USP35: variants seen among roughly 807,000 people sequenced by gnomAD.
USP35 encodes the protein ubiquitin carboxyl-terminal hydrolase 35.
Under a neutral mutation model 83.8 loss-of-function variants are expected in USP35, and 69 were observed. That is an observed-to-expected ratio of 0.82 (90% CI 0.68 to 1.01). The LOEUF is 1.01. Among genes scored for constraint, USP35 ranks in the 50% least tolerant of loss-of-function variants. USP35 has a pLI of 0.00. For missense variants in USP35, 1,503 were observed against 1,362.5 expected, an observed-to-expected ratio of 1.10 and a Z score of -1.62; for synonymous variants, 714 against 589.5, an observed-to-expected ratio of 1.21 and a Z score of -3.06.
rs899949284 is a variant in USP35 at position 78,196,973 on chromosome 11, T to C, written c.673+55T>C. The stretch of plus-strand genomic sequence containing the variant: ...GCATGCGGAGGTCCTGGGTGGGCGC[T>C]TGGGTAGGTGGCTGTACGTGTGGAT... On this transcript the variant is annotated intron_variant, in intron 2 of 10. Transcript: ENST00000529308. This position sits in a 1 kb window ranked among gnomAD's most constrained non-coding sequence, Gnocchi z 4.8. The C allele has an allele frequency of 1.8e-5, 25 of 1,419,302 alleles. No homozygotes were observed. The highest frequency in any genetic ancestry group is 2.1e-5 in the Non-Finnish European group (23 of 1,091,438). 87.9% of individuals were successfully genotyped at this position (1,419,302 alleles called of 1,614,324 possible). A position where few individuals can be genotyped will look rare whatever the true frequency, so the allele number is the denominator to read the frequency against.
Position 78,196,957 on chromosome 11 carries a change from G to A in USP35, c.673+39G>A, listed in dbSNP as rs1390882807. 1.4e-6 allele frequency: 2 copies of A among 1,428,094 alleles called. No individual in the cohort carries two copies. The highest frequency in any genetic ancestry group is 1.8e-6 in the Non-Finnish European group (2 of 1,095,812). The allele number at this position is 1,428,094 out of a possible 1,614,324, so 88.5% of individuals were successfully genotyped here. A position where few individuals can be genotyped will look rare whatever the true frequency, so the allele number is the denominator to read the frequency against. On this transcript the variant is annotated intron_variant, in intron 2 of 10. Coordinates refer to ENST00000529308, the MANE Select transcript of USP35 (RefSeq NM_020798.4). The surrounding 1 kb of genome is among the most constrained non-coding windows in gnomAD (Gnocchi z 4.8). ...CGGGGCAGGAGCGCGGGCATGCGGA[G>A]GTCCTGGGTGGGCGCTTGGGTAGGT...
Position 78,205,861 on chromosome 11 carries a change from A to T in USP35, c.1217A>T (p.Glu406Val), listed in dbSNP as rs1863513284. ...EAIKDLHVPN[E>V]DRIKQLLGQD... ...CCTCAGGACCTCCATGTTCCCAATG[A>T]GGACCGCATCAAGCAGCTGCTGGGG... The change falls in exon 7 of 11, where the codon GAG becomes GTG. Residue 406 changes from glutamate to valine, a missense_variant. By Grantham distance (121) the Glu-to-Val change is moderately radical. Coordinates refer to ENST00000529308, the MANE Select transcript of USP35 (RefSeq NM_020798.4). 1 of 1,613,610 alleles carries T rather than the reference A, an allele frequency of 6.2e-7. No individual in the cohort carries two copies. The highest frequency in any genetic ancestry group is 8.5e-7 in the Non-Finnish European group (1 of 1,179,694).
At chr11:78,236,042 G>T in the USP35 span, among the ~76,000 whole-genome samples, 1 of 152,118 alleles carries the variant, frequency 6.6e-6, no homozygotes, top group Non-Finnish European at 1.5e-5. Flanking sequence ...GAGAAAAACT[G>T]CCATCTAAAT....
the USP35 span, among the ~76,000 whole-genome samples, chr11:78,233,250 G>A: frequency 6.6e-6 from 1 of 152,112 alleles, no homozygotes; most frequent in African/African-American, 2.4e-5. Flanking sequence ...GCCCGGGCTG[G>A]TCTCAAACTT....
At chr11:78,192,056 G>A (rs911443300) in intron 1 of USP35, among the ~76,000 whole-genome samples, 5 of 152,116 alleles carry the variant, frequency 3.3e-5, no homozygotes, top group Non-Finnish European at 7.3e-5. Flanking sequence ...TGTTAATGAG[G>A]ACCTCATCTT....
intron 1 of USP35, among the ~76,000 whole-genome samples, chr11:78,192,290 C>T (rs1863028846): frequency 6.6e-6 from 1 of 152,220 alleles, no homozygotes. Context: ...TCAGAGCCAG[C>T]ATGGACAGGC....
the USP35 span, among the ~76,000 whole-genome samples, chr11:78,227,308 G>A: frequency 1.3e-5 from 2 of 152,302 alleles, no homozygotes; most frequent in East Asian, 3.9e-4. Context: ...CAATAAGCCA[G>A]ATGGATTGCC....
At chr11:78,226,873 C>G in the USP35 span, 2 of 1,614,072 alleles carry the variant, frequency 1.2e-6, no homozygotes, top group Non-Finnish European at 1.7e-6. Context: ...CGGGGGAGGT[C>G]GTAGGTACTG....
intron 3 of USP35, chr11:78,198,510 C>T (rs553356536): frequency 7.9e-6 from 5 of 632,696 alleles, no homozygotes; most frequent in African/African-American, 2.0e-5. Flanking sequence ...ATCTGAACGT[C>T]CTCCTCCCTG....
At chr11:78,231,162 A>G in the USP35 span, among the ~76,000 whole-genome samples, 541 of 152,292 alleles carry the variant, frequency 3.6e-3, 3 homozygotes, top group African/African-American at 0.012. Context: ...ATACTCAAAC[A>G]CAAGCACGTA....
downstream of USP35, chr11:78,217,465 A>G (rs1030762461): frequency 6.6e-6 from 1 of 152,286 alleles, no homozygotes; most frequent in Admixed American, 6.5e-5. Flanking sequence ...TGAACTATGC[A>G]TGCTCATGGG....
the USP35 span, chr11:78,223,501 G>A: frequency 1.9e-6 from 3 of 1,611,318 alleles, no homozygotes; most frequent in Middle Eastern, 1.6e-4. Context: ...AAGGGTTGTT[G>A]ATGGGTAGCC....
rs139093034 is a variant in USP35, at chr11:78,208,557, C to T, written c.1486-300C>T. Among the ~76,000 whole-genome samples the T allele has an allele frequency of 4.1e-4, 63 of 152,210 alleles. No individual in the cohort carries two copies. In the South Asian group the frequency reaches 7.3e-3, roughly 18 times the overall value. Reference sequence around the variant, plus strand: ...GCGCTGTATCTGGGACTCATCTTGACGGGAGAGAATGGCAGTGAGTGGAGG... The same window carrying T: ...GCGCTGTATCTGGGACTCATCTTGATGGGAGAGAATGGCAGTGAGTGGAGG... On this transcript the variant is annotated intron_variant, in intron 8 of 10. Transcript: ENST00000529308.
chr11:78,213,835 AC>A lies in USP35; in HGVS notation c.*26del. On this transcript the variant is annotated 3_prime_UTR_variant, in exon 11 of 11. Transcript: ENST00000529308. Reference sequence around the variant, plus strand: ...CTAATGTGAACCTGCTGCCAACCTGACCCCTTCCCTCCAGGAGCCAGGTAGG... The same window carrying A: ...CTAATGTGAACCTGCTGCCAACCTGACCCTTCCCTCCAGGAGCCAGGTAGG... 6.5e-7 allele frequency: 1 copy of A among 1,535,070 alleles called. No individual in the cohort carries two copies. The highest frequency in any genetic ancestry group is 2.6e-5 in the East Asian group (1 of 38,632).
At chr11:78,202,793 A>T (rs1053081058) in intron 6 of USP35, among the ~76,000 whole-genome samples, 3 of 152,186 alleles carry the variant, frequency 2.0e-5, no homozygotes, top group Admixed American at 6.5e-5. Context: ...GTGTTGCCCA[A>T]GGGTTTCTAC....
At chr11:78,202,512 A>G (rs1345141319) in intron 6 of USP35, among the ~76,000 whole-genome samples, 1 of 152,202 alleles carries the variant, frequency 6.6e-6, no homozygotes, top group African/African-American at 2.4e-5. Flanking sequence ...AGAAAGACAT[A>G]AATCAGGCCA....
At chr11:78,230,673 G>C in the USP35 span, among the ~76,000 whole-genome samples, 7 of 152,242 alleles carry the variant, frequency 4.6e-5, no homozygotes, top group East Asian at 1.3e-3. Flanking sequence ...CACATGTTGA[G>C]GGAGACTGAT....
chr11:78,209,454 C>T lies in USP35; in HGVS notation c.1599C>T (p.His533=), dbSNP rs112274930. 65,687 of 1,600,626 alleles carry T rather than the reference C, an allele frequency of 0.041. 1,639 individuals are homozygous for T. The highest frequency in any genetic ancestry group is 0.05 in the Non-Finnish European group (58,560 of 1,172,240). The change falls in exon 10 of 11, where the codon CAC becomes CAT. Residue 533 remains histidine (H), a synonymous_variant. Transcript: ENST00000529308. ...TCTGTGCTCTCTGCCCCAGGCTGCA[C>T]GAAGAGGAGAAAACGGGCACAAGGA... ...EYLKYLLDRL[H]EEEKTGTRIC... is the part of the protein sequence containing the mutation.
At position 78,213,983 on chromosome 11, in the gene USP35, AAGTCCCTTTCATTGGGGATC is replaced by A. The variant is rs1471513289; in HGVS notation, c.*177_*196del. 2 of 704,580 alleles carry A rather than the reference AAGTCCCTTTCATTGGGGATC, an allele frequency of 2.8e-6. No homozygotes were observed. Among genetic ancestry groups the A allele is most frequent in the Non-Finnish European group, 4.2e-6 (2 of 476,898 alleles). The allele number at this position is 704,580 out of a possible 1,614,324, so 43.6% of individuals were successfully genotyped here. ...TCTCTCAGATATGGAAGTAAGACCT[AAGTCCCTTTCATTGGGGATC>A]AGTCCCATTAAAACTTTACACCCAA... On this transcript the variant is annotated 3_prime_UTR_variant, in exon 11 of 11. Coordinates refer to ENST00000529308, the MANE Select transcript of USP35 (RefSeq NM_020798.4).
Sources: allele counts gnomAD v4.1 joint callset (sites outside exome capture counted in the v4.1 genomes callset), GRCh38; gene constraint gnomAD v4.1.1; non-coding constraint Gnocchi (gnomAD v3.1); transcripts MANE v1.5; gene names NCBI Gene and HGNC (gene_info 2026-07-23, HGNC 2026-07-21).